The following WDPCP variants were observed in gnomAD, a reference collection of about 807,000 sequenced individuals.
WDPCP encodes WD repeat-containing and planar cell polarity effector protein fritz homolog.
In WDPCP, 71 loss-of-function variants were observed where a neutral mutation model predicts 93.1. That is an observed-to-expected ratio of 0.76 (90% CI 0.63 to 0.93). The LOEUF (loss-of-function observed/expected upper bound fraction) is 0.93. WDPCP is among the 40% of genes least tolerant of loss of function. The pLI, the probability that WDPCP is intolerant of heterozygous loss-of-function variation, is 0.00. For missense variants in WDPCP, 844 were observed against 887.4 expected (o/e 0.95, Z 0.62); for synonymous variants, 315 against 315.0 (o/e 1.00, Z 0.00).
At chr2:63,179,270 T>G (rs1423993197) in intron 14 of WDPCP, among the ~76,000 whole-genome samples, 3 of 151,554 alleles carry the variant, frequency 2.0e-5, no homozygotes, top group Admixed American at 6.6e-5. Context: ...ATTGACTCAT[T>G]GTTCTGCAGG....
chr2:63,656,653 C>T (rs1019382725), intron 2 of WDPCP, among the ~76,000 whole-genome samples: 8 of 152,338 alleles, frequency 5.3e-5, no homozygotes, highest in African/African-American at 1.9e-4. Context: ...GCATCAAAAA[C>T]AATGTCCTGA....
chr2:63,687,639 A>G (rs527645731), intron 2 of WDPCP, among the ~76,000 whole-genome samples: 7 of 152,210 alleles, frequency 4.6e-5, no homozygotes, highest in Non-Finnish European at 8.8e-5. Context: ...GTGAGATATC[A>G]TCTCACCCCA....
intron 2 of WDPCP, among the ~76,000 whole-genome samples, chr2:63,776,595 G>A (rs543554598): frequency 6.8e-6 from 1 of 147,500 alleles, no homozygotes; most frequent in African/African-American, 2.5e-5. Context: ...GGTCAAGGCT[G>A]CAGTGAGCCA....
At chr2:63,630,793 T>C (rs1272939930) in intron 3 of WDPCP, among the ~76,000 whole-genome samples, 5 of 152,178 alleles carry the variant, frequency 3.3e-5, no homozygotes, top group Non-Finnish European at 7.3e-5. Context: ...CAGCAAAGTA[T>C]GCATTCTTTT....
chr2:63,533,778 C>A (rs1490509358), intron 1 of WDPCP, among the ~76,000 whole-genome samples: 2 of 151,940 alleles, frequency 1.3e-5, no homozygotes, highest in African/African-American at 2.4e-5. Flanking sequence ...AAATCGACAC[C>A]CTAACATCAC....
intron 14 of WDPCP, among the ~76,000 whole-genome samples, chr2:63,255,052 C>T (rs1271768093): frequency 3.3e-5 from 5 of 152,058 alleles, no homozygotes; most frequent in Non-Finnish European, 5.9e-5. Context: ...TTGATAGGCA[C>T]AGGAGAAGTA....
intron 1 of WDPCP, among the ~76,000 whole-genome samples, chr2:63,514,315 G>T (rs991358910): frequency 6.6e-6 from 1 of 152,078 alleles, no homozygotes; most frequent in Non-Finnish European, 1.5e-5. Context: ...GATGGGAATA[G>T]CAGTGAACAC....
intron 14 of WDPCP, chr2:63,228,608 G>A (rs1193933221): frequency 1.3e-5 from 2 of 151,480 alleles, no homozygotes; most frequent in African/African-American, 4.8e-5. Flanking sequence ...ACAGTCCCCG[G>A]TGTGTGATGT....
chr2:63,216,478 G>A (rs761181402), intron 14 of WDPCP, among the ~76,000 whole-genome samples: 13 of 152,050 alleles, frequency 8.5e-5, no homozygotes, highest in Non-Finnish European at 1.9e-4. Context: ...AACACCGCAT[G>A]TGTTCTCACT....
chr2:63,816,742 G>A (rs1670937808), intron 1 of WDPCP, among the ~76,000 whole-genome samples: 1 of 152,112 alleles, frequency 6.6e-6, no homozygotes, highest in Non-Finnish European at 1.5e-5. Flanking sequence ...AACTAATACA[G>A]GGATATTCCT....
At chr2:63,122,587 C>G (rs1669619516) in intron 17 of WDPCP, among the ~76,000 whole-genome samples, 1 of 152,066 alleles carries the variant, frequency 6.6e-6, no homozygotes, top group African/African-American at 2.4e-5. Flanking sequence ...GTTATTCTTT[C>G]TTTTGCACCT....
chr2:63,492,378 T>C (rs1422401616), intron 2 of WDPCP, among the ~76,000 whole-genome samples: 1 of 152,090 alleles, frequency 6.6e-6, no homozygotes, highest in Non-Finnish European at 1.5e-5. Context: ...GTTATTTTAA[T>C]ATCAAATAGA....
chr2:63,328,306 C>T (rs1687721088), intron 12 of WDPCP, among the ~76,000 whole-genome samples: 1 of 151,940 alleles, frequency 6.6e-6, no homozygotes, highest in African/African-American at 2.4e-5. Context: ...TGCTCGGGTC[C>T]CCTTCCACAC....
At chr2:63,406,539 C>T (rs114914417) in intron 9 of WDPCP, among the ~76,000 whole-genome samples, 2,447 of 152,184 alleles carry the variant, frequency 0.016, 76 homozygotes, top group African/African-American at 0.056. Context: ...CCCCCTATAA[C>T]AAAAGACAGA....
At position 63,196,246 on chromosome 2, in the gene WDPCP, A is replaced by G. The variant is rs996676223; in HGVS notation, c.1916-21414T>C. ...ACAAGAAAATGTTGAATAATGTTGA[A>G]TTGCTTGATATGTACAATGGACTGG... On this transcript the variant is annotated intron_variant, in intron 14 of 17. Coordinates refer to ENST00000272321, the MANE Select transcript of WDPCP (RefSeq NM_015910.7). Among the ~76,000 whole-genome samples, 25 of 152,318 alleles carry G rather than the reference A, an allele frequency of 1.6e-4. 1 individual carries two copies. Among genetic ancestry groups the G allele is most frequent in the Admixed American group, 1.5e-3 (23 of 15,302 alleles).
intron 6 of WDPCP, among the ~76,000 whole-genome samples, chr2:63,453,765 TA>T (rs1389713934): frequency 1.3e-5 from 2 of 151,734 alleles, no homozygotes; most frequent in Non-Finnish European, 2.9e-5. Flanking sequence ...TATGCAGCCA[TA>T]AAAAAGGATG....
chr2:63,739,156 G>A (rs1349274090), intron 2 of WDPCP, among the ~76,000 whole-genome samples: 3 of 152,048 alleles, frequency 2.0e-5, no homozygotes, highest in South Asian at 2.1e-4. Context: ...GTACCCAATA[G>A]CTATATTTTC....
intron 14 of WDPCP, among the ~76,000 whole-genome samples, chr2:63,190,411 T>A (rs1419810326): frequency 7.2e-6 from 1 of 138,908 alleles, no homozygotes; most frequent in African/African-American, 2.7e-5. Flanking sequence ...CCAGCCTGGG[T>A]GACAGGGTGA....
intron 11 of WDPCP, 75 bp downstream of exon 11, chr2:63,381,831 C>T (rs1354426079): frequency 5.3e-6 from 8 of 1,509,804 alleles, no homozygotes; most frequent in Non-Finnish European, 6.4e-6. Flanking sequence ...TCAAAAACAA[C>T]CTCAAAAAAT....
Sources: allele counts gnomAD v4.1 joint callset (sites outside exome capture counted in the v4.1 genomes callset), GRCh38; gene constraint gnomAD v4.1.1; transcripts MANE v1.5; gene names NCBI Gene and HGNC (gene_info 2026-07-23, HGNC 2026-07-21).